Variants in ELF1 observed in about 807,000 individuals in gnomAD.
ELF1 encodes the protein E74 like ETS transcription factor 1.
Under a neutral mutation model 59.9 loss-of-function variants are expected in ELF1, and 24 were observed. The observed-to-expected ratio is 0.40, with a 90% CI of 0.29 to 0.56. The LOEUF is 0.56. Among genes scored for constraint, ELF1 ranks in the 20% least tolerant of loss-of-function variants. The pLI, the probability that ELF1 is intolerant of heterozygous loss-of-function variation, is 0.44. For synonymous variants in ELF1, 248 were observed against 266.2 expected, an observed-to-expected ratio of 0.93 and a Z score of 0.67; for missense variants, 627 against 742.2, an observed-to-expected ratio of 0.84 and a Z score of 1.80.
At chr13:40,949,736 A>G in intron 5 of ELF1, 70 bp downstream of exon 5, 3 of 1,525,868 alleles carry the variant, frequency 2.0e-6, no homozygotes, top group Non-Finnish European at 1.8e-6. Context: ...AGAACTATGT[A>G]GAATAAAAGT....
At chr13:40,990,107 T>A (rs1221260519) in intron 1 of ELF1, among the ~76,000 whole-genome samples, 1 of 152,202 alleles carries the variant, frequency 6.6e-6, no homozygotes, top group Non-Finnish European at 1.5e-5. Flanking sequence ...ACACATTATT[T>A]AGCAAACATT....
chr13:41,021,122 G>A (rs542793378), upstream of ELF1, among the ~76,000 whole-genome samples: 25 of 152,218 alleles, frequency 1.6e-4, no homozygotes, highest in South Asian at 3.5e-3. Flanking sequence ...ACAGGCCTTC[G>A]AAAGCCAAAG....
At chr13:40,992,335 G>A (rs1289940969) in intron 1 of ELF1, among the ~76,000 whole-genome samples, 4 of 152,202 alleles carry the variant, frequency 2.6e-5, no homozygotes, top group Non-Finnish European at 5.9e-5. Context: ...AGCATTGTAT[G>A]TGGCATTCTT....
At chr13:40,954,213 A>C (rs957171549) in intron 3 of ELF1, among the ~76,000 whole-genome samples, 4 of 152,210 alleles carry the variant, frequency 2.6e-5, no homozygotes, top group African/African-American at 9.7e-5. Flanking sequence ...AAAAAATGTG[A>C]ATACATGCAA....
intron 1 of ELF1, among the ~76,000 whole-genome samples, chr13:41,010,147 T>C (rs1361725969): frequency 6.6e-6 from 1 of 150,574 alleles, no homozygotes; most frequent in Admixed American, 6.6e-5. Flanking sequence ...GGCTCATGCC[T>C]GTAATCCCAA....
At chr13:41,059,987 G>A (rs1194436364) in intron 1 of ELF1, among the ~76,000 whole-genome samples, 4 of 152,186 alleles carry the variant, frequency 2.6e-5, no homozygotes, top group Non-Finnish European at 5.9e-5. Flanking sequence ...CTCGTGGTGT[G>A]TATTTTTAAA....
upstream of ELF1, chr13:41,019,446 C>T (rs895754920): frequency 1.3e-5 from 13 of 977,772 alleles, no homozygotes; most frequent in South Asian, 4.7e-5. Context: ...CAGGTAAAAA[C>T]GGTATAGGAA....
chr13:40,942,492 A>G (rs1870238973), intron 7 of ELF1, among the ~76,000 whole-genome samples: 1 of 152,144 alleles, frequency 6.6e-6, no homozygotes, highest in African/African-American at 2.4e-5. Flanking sequence ...AATAACTAAC[A>G]TATCATACTT....
At chr13:41,001,421 A>G (rs544187395) in intron 1 of ELF1, among the ~76,000 whole-genome samples, 64 of 152,284 alleles carry the variant, frequency 4.2e-4, no homozygotes, top group African/African-American at 1.5e-3. Context: ...GACTCCATCT[A>G]TCTTTTTTTT....
intron 5 of ELF1, among the ~76,000 whole-genome samples, 178 bp from the exon 6 acceptor site, chr13:40,944,103 G>A (rs1343374654): frequency 2.6e-5 from 4 of 152,070 alleles, no homozygotes; most frequent in Admixed American, 2.0e-4. Flanking sequence ...AATAAAACTT[G>A]GACATTAATG....
intron 8 of ELF1, among the ~76,000 whole-genome samples, chr13:40,934,603 T>C (rs1869642141): frequency 6.6e-6 from 1 of 151,974 alleles, no homozygotes; most frequent in Non-Finnish European, 1.5e-5. Flanking sequence ...GTAGTTTTAA[T>C]TGAGATGGGG....
chr13:40,959,864 A>C, intron 2 of ELF1, among the ~76,000 whole-genome samples: 1 of 152,088 alleles, frequency 6.6e-6, no homozygotes, highest in East Asian at 1.9e-4. Context: ...GAGGAAACTG[A>C]CCCAGAGAGG....
intron 1 of ELF1, among the ~76,000 whole-genome samples, chr13:41,042,357 G>A (rs556619296): frequency 1.5e-4 from 22 of 150,938 alleles, no homozygotes; most frequent in African/African-American, 5.4e-4. Flanking sequence ...TGTGCACAAC[G>A]TGCAGGTTTG....
chr13:40,954,338 G>A (rs1006569370), intron 3 of ELF1, among the ~76,000 whole-genome samples: 1 of 152,138 alleles, frequency 6.6e-6, no homozygotes, highest in South Asian at 2.1e-4. Context: ...GAGGTGACCG[G>A]ATCGTGGAGA....
intron 1 of ELF1, among the ~76,000 whole-genome samples, chr13:41,059,931 C>T (rs980966674): frequency 1.3e-5 from 2 of 152,184 alleles, no homozygotes; most frequent in Non-Finnish European, 2.9e-5. Context: ...AGTCGATATA[C>T]TTATTTAAAG....
intron 1 of ELF1, among the ~76,000 whole-genome samples, chr13:41,048,258 C>T (rs926323055): frequency 7.9e-5 from 12 of 152,220 alleles, no homozygotes; most frequent in African/African-American, 1.4e-4. Flanking sequence ...CTTCGGCTCA[C>T]GCTCGGTGGC....
At position 40,933,944 on chromosome 13, in the gene ELF1, T is replaced by G. The variant is rs987840910; in HGVS notation, c.1341A>C (p.Pro447=). ...CTGTGCTGGCTATAACTGTTGTGAG[T>G]GGCACTGTTTGGAGTGTTACTGTAT... ...QLHTVTLQTV[P]LTTVIASTDP... The change falls in exon 9 of 9, where the codon CCA becomes CCC. Residue 447 remains proline, a synonymous_variant. Coordinates refer to ENST00000239882, the MANE Select transcript of ELF1 (RefSeq NM_172373.4). The G allele has an allele frequency of 1.2e-6, 2 of 1,614,262 alleles. No homozygotes were observed. The highest frequency in any genetic ancestry group is 2.7e-5 in the African/African-American group (2 of 75,070).
intron 2 of ELF1, among the ~76,000 whole-genome samples, chr13:40,980,354 T>G (rs966443369): frequency 1.3e-5 from 2 of 152,172 alleles, no homozygotes; most frequent in Non-Finnish European, 2.9e-5. Context: ...AAATATAGAT[T>G]CATTTTGTTA....
chr13:40,975,391 T>G (rs1872841745), intron 2 of ELF1, among the ~76,000 whole-genome samples: 1 of 152,162 alleles, frequency 6.6e-6, no homozygotes, highest in African/African-American at 2.4e-5. Context: ...ATTTTTTTTT[T>G]GAAAAACAAT....
Sources: allele counts gnomAD v4.1 joint callset (sites outside exome capture counted in the v4.1 genomes callset), GRCh38; gene constraint gnomAD v4.1.1; transcripts MANE v1.5; gene names NCBI Gene and HGNC (gene_info 2026-07-23, HGNC 2026-07-21).